AP3B1: variants seen among roughly 807,000 people sequenced by gnomAD.
AP3B1 encodes adaptor related protein complex 3 subunit beta 1.
A neutral mutation model predicts 132.5 loss-of-function variants in AP3B1; 61 were observed. The observed-to-expected ratio is 0.46, with a 90% CI of 0.37 to 0.57. The LOEUF (loss-of-function observed/expected upper bound fraction) is 0.57, where lower values mean the gene tolerates loss of function less well. Among genes scored for constraint, AP3B1 ranks in the 20% least tolerant of loss-of-function variants. The pLI, the probability that AP3B1 is intolerant of heterozygous loss-of-function variation, is 0.00. For missense variants in AP3B1, 1,120 were observed against 1,289.4 expected, an observed-to-expected ratio of 0.87 and a Z score of 2.01; for synonymous variants, 388 against 438.3, an observed-to-expected ratio of 0.89 and a Z score of 1.43.
At chr5:78,150,299 G>A (rs888847380) in intron 14 of AP3B1, among the ~76,000 whole-genome samples, 37 of 152,140 alleles carry the variant, frequency 2.4e-4, no homozygotes, top group African/African-American at 8.2e-4. Context: ...AATCACAGAA[G>A]CCATGAGGAG....
At chr5:78,150,709 C>T (rs1753605412) in intron 14 of AP3B1, among the ~76,000 whole-genome samples, 2 of 152,032 alleles carry the variant, frequency 1.3e-5, no homozygotes, top group Admixed American at 1.3e-4. Context: ...GGCATAAAGA[C>T]TTTAACATAA....
intron 25 of AP3B1, among the ~76,000 whole-genome samples, chr5:78,019,295 A>G (rs1746992734): frequency 6.6e-6 from 1 of 152,160 alleles, no homozygotes; most frequent in African/African-American, 2.4e-5. Flanking sequence ...GTCACAGCAG[A>G]GCACAAAAAA....
At chr5:78,118,346 C>T (rs1262531863) in intron 17 of AP3B1, among the ~76,000 whole-genome samples, 1 of 152,180 alleles carries the variant, frequency 6.6e-6, no homozygotes, top group African/African-American at 2.4e-5. Context: ...GGGTGCAGCG[C>T]ACTGTGCGCA....
At chr5:78,035,081 T>C (rs1405830240) in intron 23 of AP3B1, among the ~76,000 whole-genome samples, 1 of 151,906 alleles carries the variant, frequency 6.6e-6, no homozygotes, top group Non-Finnish European at 1.5e-5. Context: ...ATTTGATAGA[T>C]TTGGAATTTC....
chr5:78,141,389 T>G, intron 14 of AP3B1, 70 bp from the exon 15 acceptor site: 1 of 1,282,960 alleles, frequency 7.8e-7, no homozygotes, highest in East Asian at 2.4e-5. Context: ...TAGAAAAGGT[T>G]TTAACTATTA....
intron 11 of AP3B1, among the ~76,000 whole-genome samples, chr5:78,166,927 G>A (rs1226497837): frequency 3.3e-5 from 5 of 152,072 alleles, no homozygotes; most frequent in African/African-American, 1.2e-4. Flanking sequence ...CCTTCTAGAC[G>A]CTGGCTTAGG....
intron 2 of AP3B1, among the ~76,000 whole-genome samples, chr5:78,244,757 G>A (rs1747301443): frequency 6.6e-6 from 1 of 152,142 alleles, no homozygotes; most frequent in Non-Finnish European, 1.5e-5. Context: ...AGCACTTTGG[G>A]AGGCCGAGGA....
At chr5:78,093,773 T>C (rs553045041) in intron 21 of AP3B1, among the ~76,000 whole-genome samples, 7 of 152,352 alleles carry the variant, frequency 4.6e-5, no homozygotes, top group African/African-American at 1.7e-4. Context: ...TAAATGCTTT[T>C]ACGTATATCA....
intron 11 of AP3B1, among the ~76,000 whole-genome samples, chr5:78,171,367 C>T (rs774345657): frequency 9.2e-5 from 14 of 152,132 alleles, no homozygotes; most frequent in Non-Finnish European, 1.6e-4. Context: ...TATCCATGAG[C>T]GTGAAATGTT....
chr5:78,121,441 C>T (rs1362736507), intron 17 of AP3B1, among the ~76,000 whole-genome samples: 1 of 152,074 alleles, frequency 6.6e-6, no homozygotes, highest in Non-Finnish European at 1.5e-5. Context: ...AATTGATAGA[C>T]TGCTAGCAAG....
chr5:78,155,510 C>T (rs529681258), intron 14 of AP3B1, among the ~76,000 whole-genome samples: 1 of 152,044 alleles, frequency 6.6e-6, no homozygotes, highest in Non-Finnish European at 1.5e-5. Flanking sequence ...TCTATTTGGC[C>T]ATCTTGCTCC....
At chr5:78,194,217 G>A (rs868245542) in intron 7 of AP3B1, among the ~76,000 whole-genome samples, 1 of 151,936 alleles carries the variant, frequency 6.6e-6, no homozygotes, top group African/African-American at 2.4e-5. Flanking sequence ...CTTATTTTTA[G>A]TATATTATGC....
intron 7 of AP3B1, among the ~76,000 whole-genome samples, chr5:78,190,441 T>TG (rs762740180): frequency 1.3e-5 from 2 of 152,190 alleles, no homozygotes; most frequent in Non-Finnish European, 2.9e-5. Context: ...GAGGCTTTCT[T>TG]GGAGGACAAG....
At chr5:78,213,591 T>C (rs1013850412) in intron 7 of AP3B1, among the ~76,000 whole-genome samples, 27 of 152,144 alleles carry the variant, frequency 1.8e-4, no homozygotes, top group Non-Finnish European at 2.9e-4. Context: ...CAAATAGCAC[T>C]TACACAATCG....
At chr5:78,171,290 T>C (rs1322457275) in intron 11 of AP3B1, among the ~76,000 whole-genome samples, 1 of 152,194 alleles carries the variant, frequency 6.6e-6, no homozygotes, top group East Asian at 1.9e-4. Flanking sequence ...GGTAGCTTGA[T>C]GGGGAGGGCA....
intron 22 of AP3B1, chr5:78,043,408 G>T (rs1748182721): frequency 1.5e-5 from 3 of 204,562 alleles, no homozygotes; most frequent in South Asian, 1.8e-4. Context: ...GGGATTACAG[G>T]CATGAGCCAT....
At chr5:78,102,389 A>G (rs1751168756) in intron 20 of AP3B1, among the ~76,000 whole-genome samples, 1 of 152,154 alleles carries the variant, frequency 6.6e-6, no homozygotes, top group Admixed American at 6.5e-5. Flanking sequence ...CACTAATTTT[A>G]TTCTTCAAAG....
intron 22 of AP3B1, among the ~76,000 whole-genome samples, chr5:78,066,782 A>G (rs1749309816): frequency 6.6e-6 from 1 of 152,216 alleles, no homozygotes; most frequent in Admixed American, 6.5e-5. Context: ...GCCTAGCAAG[A>G]CAGGCCAACA....
intron 16 of AP3B1, among the ~76,000 whole-genome samples, chr5:78,128,446 C>T (rs148811412): frequency 6.6e-6 from 1 of 152,204 alleles, no homozygotes; most frequent in East Asian, 1.9e-4. Flanking sequence ...AGAATGACAG[C>T]ACAGTTAAAC....
Sources: gnomAD v4.1 joint callset for allele counts (sites outside exome capture counted in the v4.1 genomes callset) on GRCh38, gnomAD v4.1.1 for gene constraint, MANE v1.5 for transcripts, NCBI Gene and HGNC (gene_info 2026-07-23, HGNC 2026-07-21) for gene names.